Variants in INPP4B observed in about 807,000 individuals in gnomAD.
INPP4B encodes inositol polyphosphate 4-phosphatase type II.
In INPP4B, 55 loss-of-function variants were observed where a neutral mutation model predicts 122.5. That is an observed-to-expected ratio of 0.45 (90% CI 0.36 to 0.56). The LOEUF (loss-of-function observed/expected upper bound fraction) is 0.56, where lower values mean the gene tolerates loss of function less well. Ranked by LOEUF, INPP4B falls within the 20% of genes least tolerant of loss-of-function variation. The pLI is 0.00. For missense variants in INPP4B, 1,000 were observed against 1,097.7 expected, an observed-to-expected ratio of 0.91 and a Z score of 1.26; for synonymous variants, 403 against 388.7, an observed-to-expected ratio of 1.04 and a Z score of -0.43.
intron 2 of INPP4B, among the ~76,000 whole-genome samples, chr4:142,479,061 CTA>C (rs1004133018): frequency 4.3e-4 from 66 of 152,090 alleles, no homozygotes; most frequent in Non-Finnish European, 7.3e-5. Context: ...TATTTGGAAA[CTA>C]TATATCTGAC....
At chr4:142,111,872 T>C (rs941691089) in intron 22 of INPP4B, among the ~76,000 whole-genome samples, 1 of 151,934 alleles carries the variant, frequency 6.6e-6, no homozygotes, top group Non-Finnish European at 1.5e-5. Flanking sequence ...GCCTCCTGAG[T>C]AGCTGGGATT....
intron 2 of INPP4B, among the ~76,000 whole-genome samples, chr4:142,645,292 G>T (rs1350283127): frequency 6.6e-6 from 1 of 152,160 alleles, no homozygotes; most frequent in African/African-American, 2.4e-5. Flanking sequence ...GGATGTAGAG[G>T]TTCTCTTAGG....
chr4:142,073,973 C>T (rs1769041366), intron 25 of INPP4B, among the ~76,000 whole-genome samples: 1 of 151,976 alleles, frequency 6.6e-6, no homozygotes, highest in African/African-American at 2.4e-5. Flanking sequence ...GTGTCTTTCT[C>T]TTATCTAAAA....
At chr4:142,582,085 C>T (rs1284517822) in intron 2 of INPP4B, among the ~76,000 whole-genome samples, 1 of 151,888 alleles carries the variant, frequency 6.6e-6, no homozygotes, top group Non-Finnish European at 1.5e-5. Context: ...TTCCCAAACA[C>T]ATTACACCTG....
intron 1 of INPP4B, among the ~76,000 whole-genome samples, chr4:142,816,378 T>C (rs1780116336): frequency 6.6e-6 from 1 of 152,126 alleles, no homozygotes; most frequent in Admixed American, 6.5e-5. Flanking sequence ...CAATGCCCTT[T>C]TGTTAAATAT....
chr4:142,081,787 G>A (rs1455040598), intron 25 of INPP4B, among the ~76,000 whole-genome samples: 13 of 151,782 alleles, frequency 8.6e-5, no homozygotes, highest in Admixed American at 7.2e-4. Flanking sequence ...ACACAGCCAC[G>A]TTTTCTAAAA....
chr4:142,220,810 C>T (rs983575086), intron 12 of INPP4B, among the ~76,000 whole-genome samples: 1 of 152,128 alleles, frequency 6.6e-6, no homozygotes, highest in Non-Finnish European at 1.5e-5. Context: ...CCCATGACAG[C>T]CTCTTCACTA....
At chr4:142,323,529 T>A (rs1301723827) in intron 7 of INPP4B, among the ~76,000 whole-genome samples, 6 of 147,492 alleles carry the variant, frequency 4.1e-5, no homozygotes, top group African/African-American at 1.5e-4. Context: ...CACTGCAAGC[T>A]CTGCCTCTCG....
chr4:142,785,970 A>G lies in INPP4B; in HGVS notation c.-253-60069T>C, dbSNP rs963869738. Among the ~76,000 whole-genome samples, 8 of 152,252 alleles carry G rather than the reference A, an allele frequency of 5.3e-5. No individual in the cohort carries two copies. In the South Asian group the frequency reaches 1.7e-3, roughly 32 times the overall value. ...TTAGAGAAATAAGGATAAATATTATATCCAACTTTTCATCTGAAATCATAC... is the reference window on the plus strand; with the variant it reads ...TTAGAGAAATAAGGATAAATATTATGTCCAACTTTTCATCTGAAATCATAC... On this transcript the variant is annotated intron_variant, in intron 1 of 25. Transcript: ENST00000262992.
chr4:142,181,078 A>G (rs1356687960), intron 15 of INPP4B, among the ~76,000 whole-genome samples: 1 of 152,206 alleles, frequency 6.6e-6, no homozygotes, highest in Non-Finnish European at 1.5e-5. Flanking sequence ...GTAAGAAAGA[A>G]GAAAAAGGGA....
chr4:142,756,205 T>A (rs1770495714), intron 1 of INPP4B, among the ~76,000 whole-genome samples: 1 of 152,096 alleles, frequency 6.6e-6, no homozygotes, highest in African/African-American at 2.4e-5. Context: ...GTCTACATGT[T>A]ATAAAACTGT....
At chr4:142,521,610 T>C (rs6537107) in intron 2 of INPP4B, among the ~76,000 whole-genome samples, 145,054 of 151,976 alleles carry the variant, frequency 0.95, 69,620 homozygotes, top group Middle Eastern at 1. Context: ...ATTAAGGCCA[T>C]CCTGACCCCT....
chr4:142,132,633 C>T (rs168061), intron 18 of INPP4B, among the ~76,000 whole-genome samples: 78,809 of 151,960 alleles, frequency 0.52, 24,104 homozygotes, highest in Non-Finnish European at 0.67. Flanking sequence ...CTAGCTCAGA[C>T]CATCTCCTCT....
Position 142,718,250 on chromosome 4 carries a change from T to G in INPP4B, c.-191+7589A>C, listed in dbSNP as rs72728619. On this transcript the variant is annotated intron_variant, in intron 2 of 25. Transcript: ENST00000262992. The stretch of plus-strand genomic sequence containing the variant: ...TCTGTTTTAACTTAATCCACTTAAA[T>G]GTACAAGCAAATGAACATGTTGAGA... 2.5e-3 allele frequency among the ~76,000 whole-genome samples: 388 copies of G among 152,336 alleles called. 4 individuals are homozygous for G. Among genetic ancestry groups the G allele is most frequent in the Non-Finnish European group, 5.0e-3 (338 of 68,030 alleles).
chr4:142,555,870 C>CAAA (rs554216004), intron 2 of INPP4B, among the ~76,000 whole-genome samples: 1,882 of 125,472 alleles, frequency 0.015, 40 homozygotes, highest in Admixed American at 0.035. Context: ...GACTCTGTCT[C>CAAA]AAAAAAAAAA....
chr4:142,359,257 G>A (rs750490476), intron 7 of INPP4B, among the ~76,000 whole-genome samples: 3 of 151,528 alleles, frequency 2.0e-5, no homozygotes, highest in Non-Finnish European at 4.4e-5. Context: ...GAGCCAAACG[G>A]CCTTGGAAAA....
At chr4:142,563,716 C>T (rs1324614286) in intron 2 of INPP4B, among the ~76,000 whole-genome samples, 1 of 152,174 alleles carries the variant, frequency 6.6e-6, no homozygotes, top group African/African-American at 2.4e-5. Flanking sequence ...TATTGTCTAG[C>T]TCTGAGCATA....
At chr4:142,269,663 G>A (rs2627817) in intron 10 of INPP4B, among the ~76,000 whole-genome samples, 113,436 of 152,056 alleles carry the variant, frequency 0.75, 44,084 homozygotes, top group East Asian at 0.93. Flanking sequence ...AATGGTTACT[G>A]TATAATAGTC....
chr4:142,644,440 G>A (rs1042155134), intron 2 of INPP4B, among the ~76,000 whole-genome samples: 7 of 152,038 alleles, frequency 4.6e-5, no homozygotes, highest in Non-Finnish European at 8.8e-5. Context: ...TATATCAGGG[G>A]ATAATGGCTT....
Sources: gnomAD v4.1 joint callset for allele counts (sites outside exome capture counted in the v4.1 genomes callset) on GRCh38, gnomAD v4.1.1 for gene constraint, MANE v1.5 for transcripts, NCBI Gene and HGNC (gene_info 2026-07-23, HGNC 2026-07-21) for gene names.